ADAMTSL1: variants seen among roughly 807,000 people sequenced by gnomAD.
ADAMTSL1 encodes ADAMTS like 1.
In ADAMTSL1, 126 loss-of-function variants were observed where a neutral mutation model predicts 201.8. The observed-to-expected ratio is 0.62, with a 90% confidence interval of 0.54 to 0.72. The LOEUF is 0.72. Ranked by LOEUF, ADAMTSL1 falls within the 30% of genes least tolerant of loss-of-function variation. The pLI is 0.00. For missense variants in ADAMTSL1, 2,679 were observed against 2,277.8 expected (o/e 1.18, Z -3.59); for synonymous variants, 1,121 against 903.4 (o/e 1.24, Z -4.32).
chr9:18,325,544 A>G (rs921990933), intron 2 of ADAMTSL1, among the ~76,000 whole-genome samples: 4 of 152,234 alleles, frequency 2.6e-5, no homozygotes, highest in African/African-American at 7.2e-5. Context: ...TTTTGCTGCT[A>G]TAGCAACATA....
chr9:18,499,789 T>G (rs1822735976), intron 1 of ADAMTSL1, among the ~76,000 whole-genome samples: 1 of 152,222 alleles, frequency 6.6e-6, no homozygotes, highest in Non-Finnish European at 1.5e-5. Context: ...TGACGATCTG[T>G]TGACATCTGA....
chr9:18,437,266 C>A (rs905622096), intron 2 of ADAMTSL1, among the ~76,000 whole-genome samples: 1 of 152,112 alleles, frequency 6.6e-6, no homozygotes, highest in African/African-American at 2.4e-5. Context: ...AGTCTTCTCT[C>A]CATGTCCCGT....
intron 1 of ADAMTSL1, among the ~76,000 whole-genome samples, chr9:17,969,350 T>C (rs1410770040): frequency 6.6e-6 from 1 of 152,048 alleles, no homozygotes; most frequent in African/African-American, 2.4e-5. Context: ...GACAATGCTT[T>C]CTGGAATAGG....
chr9:18,751,172 C>G (rs547029061), intron 15 of ADAMTSL1, among the ~76,000 whole-genome samples: 22 of 152,240 alleles, frequency 1.4e-4, no homozygotes, highest in African/African-American at 5.1e-4. Context: ...TGTTTTAAAG[C>G]TTATAATTAA....
chr9:18,417,367 G>GAAAAAAAAAAAAAAAAAAAAA, intron 2 of ADAMTSL1, among the ~76,000 whole-genome samples: 1 of 64,688 alleles, frequency 1.5e-5, no homozygotes, highest in East Asian at 3.7e-4. Context: ...AAGTAAGCAG[G>GAAAAAAAAAAAAAAAAAAAAA]AAAAAAAAAA....
In ADAMTSL1 at chr9:18,706,910, G is replaced by C; in HGVS notation, c.1738G>C (p.Ala580Pro). 6.2e-7 allele frequency: 1 copy of C among 1,613,994 alleles called. No homozygotes were observed. ...PKPASQRACY[A>P]GPCSGEIPEF... ...GCCAGCATCCCAGCGTGCCTGTTAT[G>C]CAGGCCCATGCAGCGGGGAAATTCC... Residue 580 changes from alanine to proline, a missense_variant, in exon 14 of 29, where the codon GCA (alanine) becomes CCA (proline). By Grantham distance (27) the Ala-to-Pro change is conservative. Coordinates refer to ENST00000380548, the MANE Select transcript of ADAMTSL1 (RefSeq NM_001040272.6).
intron 26 of ADAMTSL1, among the ~76,000 whole-genome samples, chr9:18,901,382 A>G (rs1318875546): frequency 6.6e-6 from 1 of 151,600 alleles, no homozygotes; most frequent in Non-Finnish European, 1.5e-5. Context: ...AGGTAAATAG[A>G]CGGGCAGACA....
At chr9:18,508,193 A>AT (rs1227181982) in intron 2 of ADAMTSL1, among the ~76,000 whole-genome samples, 1 of 147,774 alleles carries the variant, frequency 6.8e-6, no homozygotes, top group African/African-American at 2.5e-5. Flanking sequence ...CAAAAAAAAA[A>AT]GAAAAAAAAA....
At chr9:17,920,091 C>A (rs748083317) in intron 1 of ADAMTSL1, among the ~76,000 whole-genome samples, 2 of 152,106 alleles carry the variant, frequency 1.3e-5, no homozygotes, top group Non-Finnish European at 2.9e-5. Flanking sequence ...AGGATCTTTT[C>A]ATTTTTACTT....
At chr9:17,965,438 G>T (rs1019966978) in intron 1 of ADAMTSL1, among the ~76,000 whole-genome samples, 1 of 152,020 alleles carries the variant, frequency 6.6e-6, no homozygotes, top group Non-Finnish European at 1.5e-5. Flanking sequence ...TGAATTTCTG[G>T]CATTGTGGAA....
chr9:18,852,659 CTACT>C (rs940166720), intron 23 of ADAMTSL1, among the ~76,000 whole-genome samples: 7 of 152,106 alleles, frequency 4.6e-5, no homozygotes, highest in African/African-American at 1.7e-4. Context: ...GGACTTTCGC[CTACT>C]AAGGAATCAA....
intron 2 of ADAMTSL1, among the ~76,000 whole-genome samples, chr9:18,462,063 T>C (rs1191291211): frequency 6.6e-6 from 1 of 152,194 alleles, no homozygotes; most frequent in African/African-American, 2.4e-5. Flanking sequence ...AGTGGATCTG[T>C]ACAGTTCAAG....
chr9:18,506,662 A>C (rs1362110381), intron 2 of ADAMTSL1, among the ~76,000 whole-genome samples: 1 of 152,254 alleles, frequency 6.6e-6, no homozygotes, highest in African/African-American at 2.4e-5. Flanking sequence ...ATGATACTAC[A>C]AAAGATATCA....
chr9:18,906,044 C>T (rs1032717349), intron 27 of ADAMTSL1, among the ~76,000 whole-genome samples, 153 bp downstream of exon 27: 4 of 152,196 alleles, frequency 2.6e-5, no homozygotes, highest in Non-Finnish European at 4.4e-5. Context: ...CTGGCCTCCC[C>T]AGAGGCAGAT....
chr9:18,443,300 A>C (rs768081622), intron 2 of ADAMTSL1, among the ~76,000 whole-genome samples: 1 of 152,238 alleles, frequency 6.6e-6, no homozygotes, highest in Admixed American at 6.5e-5. Flanking sequence ...CATCATAGGA[A>C]GTCACTGATG....
rs1050316436 is a variant in ADAMTSL1 at position 17,910,602 on chromosome 9, T to A, written c.87+3680T>A. ...AAATGGGTCTTTCTCTTACCACCAT[T>A]CAGAGCTGCTGTCCACATGTGAGGA... On this transcript the variant is annotated intron_variant, in intron 1 of 29. Transcript: ENST00000680146. Among the ~76,000 whole-genome samples the A allele has an allele frequency of 5.8e-5, 4 of 68,834 alleles. 1 individual carries two copies. The highest frequency in any genetic ancestry group is 1.2e-4 in the African/African-American group (4 of 33,984). 45.2% of individuals were successfully genotyped at this position (68,834 alleles called of 152,430 possible).
intron 23 of ADAMTSL1, among the ~76,000 whole-genome samples, chr9:18,876,022 G>T (rs553988889): frequency 6.6e-6 from 1 of 152,040 alleles, no homozygotes; most frequent in Non-Finnish European, 1.5e-5. Context: ...AACTGCTGTT[G>T]CTTTAAAGTC....
chr9:17,976,868 A>G (rs1316683256), intron 1 of ADAMTSL1, among the ~76,000 whole-genome samples: 3 of 151,864 alleles, frequency 2.0e-5, no homozygotes, highest in Non-Finnish European at 4.4e-5. Flanking sequence ...CTATCAATAC[A>G]ATTTTGAATA....
chr9:18,805,433 C>T (rs969222437), intron 20 of ADAMTSL1, among the ~76,000 whole-genome samples: 3 of 152,182 alleles, frequency 2.0e-5, no homozygotes, highest in African/African-American at 7.2e-5. Flanking sequence ...CACTGCTCCT[C>T]ACAGAGTTTT....
Sources: allele counts gnomAD v4.1 joint callset (sites outside exome capture counted in the v4.1 genomes callset), GRCh38; gene constraint gnomAD v4.1.1; transcripts MANE v1.5; gene names NCBI Gene and HGNC (gene_info 2026-07-23, HGNC 2026-07-21).